The following ZNF284 variants were observed in gnomAD, a reference collection of about 807,000 sequenced individuals.
ZNF284 encodes the protein zinc finger protein 284.
In ZNF284, 12 loss-of-function variants were observed where a neutral mutation model predicts 12.9. That is an observed-to-expected ratio of 0.93 (90% CI 0.60 to 1.51). The LOEUF (loss-of-function observed/expected upper bound fraction) is 1.51. Among genes scored for constraint, ZNF284 ranks in the 40% most tolerant of loss-of-function variants. The pLI, the probability that ZNF284 is intolerant of heterozygous loss-of-function variation, is 0.00. For missense variants in ZNF284, 667 were observed against 707.3 expected, an observed-to-expected ratio of 0.94 and a Z score of 0.65; for synonymous variants, 225 against 236.5, an observed-to-expected ratio of 0.95 and a Z score of 0.45.
chr19:44,078,246 A>T (rs1224339984), intron 2 of ZNF284, among the ~76,000 whole-genome samples: 1 of 152,246 alleles, frequency 6.6e-6, no homozygotes, highest in African/African-American at 2.4e-5. Flanking sequence ...ATATTCAAAT[A>T]CATGGGATTA....
intron 2 of ZNF284, among the ~76,000 whole-genome samples, chr19:44,078,616 G>A (rs1303052794): frequency 6.6e-6 from 1 of 151,910 alleles, no homozygotes; most frequent in Non-Finnish European, 1.5e-5. Flanking sequence ...CACGCACCAC[G>A]ATGCCTGGCT....
At position 44,082,185 on chromosome 19, in the gene ZNF284, C is replaced by G; in HGVS notation, c.235+80C>G. The G allele has an allele frequency of 4.2e-6, 5 of 1,197,964 alleles. No homozygotes were observed. The South Asian group carries it at 7.1e-5, about 17-fold the overall frequency. The allele number at this position is 1,197,964 out of a possible 1,614,324, so 74.2% of individuals were successfully genotyped here. A position where few individuals can be genotyped will look rare whatever the true frequency, so the allele number is the denominator to read the frequency against. ...TCTGTCCATTGCCCAACTCCATTGC[C>G]CTGGTATAAATGGCCAAACCTGTTT... On this transcript the variant is annotated intron_variant, in intron 4 of 4. Transcript: ENST00000421176.
intron 3 of ZNF284, 61 bp from the exon 4 acceptor site, chr19:44,081,952 T>C: frequency 7.0e-7 from 1 of 1,431,188 alleles, no homozygotes; most frequent in Non-Finnish European, 9.8e-7. Flanking sequence ...AGTGAGAACC[T>C]AAATTTCTAG....
At chr19:44,081,715 A>AAAAAAC (rs549068237) in intron 3 of ZNF284, among the ~76,000 whole-genome samples, 4 of 152,112 alleles carry the variant, frequency 2.6e-5, no homozygotes, top group South Asian at 4.1e-4. Context: ...CCGTCTCAAA[A>AAAAAAC]AAAAACAAAA....
intron 1 of ZNF284, among the ~76,000 whole-genome samples, chr19:44,074,268 G>A (rs762527537): frequency 5.3e-5 from 8 of 151,918 alleles, no homozygotes; most frequent in Non-Finnish European, 1.2e-4. Context: ...CAGGAGAATC[G>A]CTTGAACCCG....
chr19:44,083,481 AGAGAGAGAGAGAGAGAGAGAGG>A lies in ZNF284; in HGVS notation c.235+1379_235+1400del, dbSNP rs1363554664. ...TATATATATATATATATATAGAGAG[AGAGAGAGAGAGAGAGAGAGAGG>A]GAATGGAATACCATCCTATCTTTAC... On this transcript the variant is annotated intron_variant, in intron 4 of 4. Coordinates refer to ENST00000421176, the MANE Select transcript of ZNF284 (RefSeq NM_001037813.4). 2.7e-3 allele frequency among the ~76,000 whole-genome samples: 248 copies of A among 93,498 alleles called. 37 individuals are homozygous for A. Among genetic ancestry groups the A allele is most frequent in the African/African-American group, 3.4e-3 (89 of 26,298 alleles). The allele number at this position is 93,498 out of a possible 152,430, so 61.3% of individuals were successfully genotyped here. A position where few individuals can be genotyped will look rare whatever the true frequency, so the allele number is the denominator to read the frequency against.
intron 4 of ZNF284, among the ~76,000 whole-genome samples, chr19:44,082,861 C>T (rs553451320): frequency 1.3e-5 from 2 of 152,254 alleles, no homozygotes; most frequent in Admixed American, 1.3e-4. Flanking sequence ...TCTAGAATGA[C>T]CTTCTTACTC....
In ZNF284 at chr19:44,087,271, T is replaced by C. The variant is rs759915016; in HGVS notation, c.*11T>C. 1 of 1,496,070 alleles carries C rather than the reference T, an allele frequency of 6.7e-7. No individual in the cohort carries two copies. Among genetic ancestry groups the C allele is most frequent in the South Asian group, 1.3e-5 (1 of 76,362 alleles). 92.7% of individuals were successfully genotyped at this position (1,496,070 alleles called of 1,614,324 possible). A position where few individuals can be genotyped will look rare whatever the true frequency, so the allele number is the denominator to read the frequency against. The stretch of plus-strand genomic sequence containing the variant: ...TTAAATGATATATAATTATTGTCCA[T>C]ATTTATGGGTTACAGCATATTTCAA... On this transcript the variant is annotated 3_prime_UTR_variant, in exon 5 of 5. Coordinates refer to ENST00000421176, the MANE Select transcript of ZNF284 (RefSeq NM_001037813.4).
At chr19:44,082,127 A>C in intron 4 of ZNF284, 22 bp downstream of exon 4, 1 of 1,585,428 alleles carries the variant, frequency 6.3e-7, no homozygotes, top group East Asian at 2.2e-5. Context: ...GCAACGATGC[A>C]TCCTTGTACG....
At chr19:44,084,471 C>T (rs937500113) in intron 4 of ZNF284, among the ~76,000 whole-genome samples, 1 of 152,166 alleles carries the variant, frequency 6.6e-6, no homozygotes, top group Non-Finnish European at 1.5e-5. Flanking sequence ...AAACTTTCCT[C>T]AGAATGAGAA....
intron 2 of ZNF284, among the ~76,000 whole-genome samples, chr19:44,080,038 T>C (rs1287016181): frequency 1.3e-5 from 2 of 152,226 alleles, no homozygotes; most frequent in Non-Finnish European, 2.9e-5. Context: ...AGAAAACTGA[T>C]GTGACAGTCT....
At chr19:44,076,858 TGCC>T (rs1459299481) in intron 2 of ZNF284, among the ~76,000 whole-genome samples, 6 of 151,288 alleles carry the variant, frequency 4.0e-5, no homozygotes, top group African/African-American at 1.5e-4. Context: ...CTTGCTCTGT[TGCC>T]CAGACTGGAG....
Position 44,086,776 on chromosome 19 carries a change from G to A in ZNF284, c.1298G>A (p.Gly433Glu). ...EEELYKCQKC[G>E]KGYISKFNLD... ...GAACTGTATAAATGTCAGAAGTGTG[G>A]GAAGGGCTACATTAGTAAGTTTAAT... The change falls in exon 5 of 5, where the codon GGG (glycine) becomes GAG (glutamate). Residue 433 changes from glycine (G) to glutamate (E), a missense_variant. Transcript: ENST00000421176. 6.2e-7 allele frequency: 1 copy of A among 1,614,134 alleles called. No individual in the cohort carries two copies. Among genetic ancestry groups the A allele is most frequent in the South Asian group, 1.1e-5 (1 of 91,082 alleles).
rs776823979 is a variant in ZNF284 at position 44,085,882 on chromosome 19, C to G, written c.404C>G (p.Ala135Gly). 2 of 1,614,042 alleles carry G rather than the reference C, an allele frequency of 1.2e-6. No homozygotes were observed. Among genetic ancestry groups the G allele is most frequent in the African/African-American group, 2.7e-5 (2 of 74,918 alleles). Reference protein sequence around the residue: ...TQGDVPSQVDAGLSIIHIGET... With the variant: ...TQGDVPSQVDGGLSIIHIGET... ...GGTGATGTCCCCTCCCAGGTTGACGCAGGACTATCTATAATTCACATAGGA... is the reference window on the plus strand; with the variant it reads ...GGTGATGTCCCCTCCCAGGTTGACGGAGGACTATCTATAATTCACATAGGA... The change falls in exon 5 of 5, where the codon GCA (alanine) becomes GGA (glycine). Residue 135 changes from alanine (A) to glycine (G), a missense_variant. Transcript: ENST00000421176.
rs1599879499 is a variant in ZNF284 at position 44,082,037 on chromosome 19, C to A, written c.167C>A (p.Thr56Asn). Reference sequence around the variant, plus strand: ...GGGCATCAACTTTCCCACCGAGATACTTTTCACTTCCAAAGAGAAGAAAAG... The same window carrying A: ...GGGCATCAACTTTCCCACCGAGATAATTTTCACTTCCAAAGAGAAGAAAAG... ...SVGHQLSHRD[T>N]FHFQREEKFW... Residue 56 changes from threonine (T) to asparagine (N), a missense_variant, in exon 4 of 5, where the codon ACT becomes AAT. Physicochemically the swap from Thr to Asn is moderately conservative, Grantham distance 65. Transcript: ENST00000421176. 2 of 1,613,934 alleles carry A rather than the reference C, an allele frequency of 1.2e-6. No individual in the cohort carries two copies. Among genetic ancestry groups the A allele is most frequent in the South Asian group, 1.1e-5 (1 of 91,062 alleles).
intron 2 of ZNF284, 131 bp from the exon 3 acceptor site, chr19:44,080,884 A>G: frequency 8.4e-7 from 1 of 1,195,370 alleles, no homozygotes; most frequent in Non-Finnish European, 1.2e-6. Context: ...TGAATGGGAA[A>G]TCTGTATGTT....
chr19:44,084,694 T>C (rs1967196970), intron 4 of ZNF284, among the ~76,000 whole-genome samples: 1 of 152,166 alleles, frequency 6.6e-6, no homozygotes. Flanking sequence ...GACTCTGCCA[T>C]ACTGCTGGGT....
At chr19:44,075,995 A>G (rs1967019562) in intron 1 of ZNF284, among the ~76,000 whole-genome samples, 2 of 152,194 alleles carry the variant, frequency 1.3e-5, no homozygotes. Flanking sequence ...AACATTTCAT[A>G]TAAATGCGAT....
At chr19:44,083,452 T>TAC (rs1341064696) in intron 4 of ZNF284, among the ~76,000 whole-genome samples, 1 of 50,132 alleles carries the variant, frequency 2.0e-5, no homozygotes, top group Admixed American at 1.8e-4. Context: ...AATAAAGAAA[T>TAC]ATATATATAT....
Sources: allele counts gnomAD v4.1 joint callset (sites outside exome capture counted in the v4.1 genomes callset), GRCh38; gene constraint gnomAD v4.1.1; transcripts MANE v1.5; gene names NCBI Gene and HGNC (gene_info 2026-07-23, HGNC 2026-07-21).